SNX7: variants seen among roughly 807,000 people sequenced by gnomAD.
The protein encoded by SNX7 is sorting nexin-7.
A neutral mutation model predicts 48.4 loss-of-function variants in SNX7; 35 were observed. The observed-to-expected ratio is 0.72, with a 90% CI of 0.55 to 0.96. The LOEUF is 0.96. Among genes scored for constraint, SNX7 ranks in the 40% least tolerant of loss-of-function variants. The pLI, the probability that SNX7 is intolerant of heterozygous loss-of-function variation, is 0.00. For synonymous variants in SNX7, 190 were observed against 190.2 expected (o/e 1.00, Z 0.01); for missense variants, 553 against 548.9 (o/e 1.01, Z -0.07).
Position 98,663,268 on chromosome 1 carries a change from T to G in SNX7, c.180+1357T>G, listed in dbSNP as rs1267685683. On this transcript the variant is annotated intron_variant, in intron 1 of 8. Transcript: ENST00000306121. ...TTTCTTTCTGGTTTTTTTTTTTTTTTTTTTTTTTTTTTTTTTTTTTTTTTG... is the reference window on the plus strand; with the variant it reads ...TTTCTTTCTGGTTTTTTTTTTTTTTGTTTTTTTTTTTTTTTTTTTTTTTTG... Among the ~76,000 whole-genome samples, 47 of 56,086 alleles carry G rather than the reference T, an allele frequency of 8.4e-4. 3 individuals carry two copies. The East Asian group carries it at 0.014, about 16-fold the overall frequency. The allele number at this position is 56,086 out of a possible 152,430, so 36.8% of individuals were successfully genotyped here. A position where few individuals can be genotyped will look rare whatever the true frequency, so the allele number is the denominator to read the frequency against.
At chr1:98,722,628 T>C (rs1454208003) in intron 7 of SNX7, among the ~76,000 whole-genome samples, 1 of 152,132 alleles carries the variant, frequency 6.6e-6, no homozygotes, top group Non-Finnish European at 1.5e-5. Context: ...AATAAATGGA[T>C]TGAATGGTTG....
intron 1 of SNX7, among the ~76,000 whole-genome samples, chr1:98,666,863 T>A (rs974748821): frequency 6.6e-6 from 1 of 152,174 alleles, no homozygotes; most frequent in Non-Finnish European, 1.5e-5. Context: ...ACCTAAAACC[T>A]CCATGTTAGG....
At chr1:98,754,603 G>C (rs1453402292) in intron 8 of SNX7, among the ~76,000 whole-genome samples, 2 of 151,954 alleles carry the variant, frequency 1.3e-5, no homozygotes, top group African/African-American at 4.8e-5. Flanking sequence ...AAATGTATAG[G>C]CATAAAGATC....
intron 1 of SNX7, among the ~76,000 whole-genome samples, chr1:98,673,286 T>C (rs1321241899): frequency 6.6e-6 from 1 of 152,238 alleles, no homozygotes; most frequent in East Asian, 1.9e-4. Context: ...TCTTCCTGCC[T>C]TGGGCCTCAT....
intron 8 of SNX7, among the ~76,000 whole-genome samples, chr1:98,739,279 G>C (rs1331263983): frequency 6.6e-6 from 1 of 152,202 alleles, no homozygotes; most frequent in African/African-American, 2.4e-5. Context: ...ACCTCCTGCT[G>C]TGCGGCTGGG....
chr1:98,691,944 C>CTCTCTCTG (rs1651163749), intron 4 of SNX7, among the ~76,000 whole-genome samples: 1 of 137,208 alleles, frequency 7.3e-6, no homozygotes, highest in Non-Finnish European at 1.6e-5. Context: ...CACACTCTCT[C>CTCTCTCTG]TCTCTCTCTC....
rs1224655435 is a variant in SNX7, at chr1:98,663,252, GGTTTTT to G, written c.180+1342_180+1347del. Among the ~76,000 whole-genome samples, 294 of 83,136 alleles carry G rather than the reference GGTTTTT, an allele frequency of 3.5e-3. 23 individuals carry two copies. Among genetic ancestry groups the G allele is most frequent in the Middle Eastern group, 0.023 (4 of 174 alleles). 54.5% of individuals were successfully genotyped at this position (83,136 alleles called of 152,430 possible). On this transcript the variant is annotated intron_variant, in intron 1 of 8. Coordinates refer to ENST00000306121, the MANE Select transcript of SNX7 (RefSeq NM_015976.5). ...ATCAGAATCATCAGGGTTTCTTTCTGGTTTTTTTTTTTTTTTTTTTTTTTTTTTTTT... is the reference window on the plus strand; with the variant it reads ...ATCAGAATCATCAGGGTTTCTTTCTGTTTTTTTTTTTTTTTTTTTTTTTTT...
chr1:98,717,466 A>G (rs926169092), intron 7 of SNX7, among the ~76,000 whole-genome samples: 1 of 152,184 alleles, frequency 6.6e-6, no homozygotes, highest in African/African-American at 2.4e-5. Flanking sequence ...CTGTATTCCA[A>G]GACGATACTT....
At chr1:98,736,003 A>T (rs899760340) in intron 7 of SNX7, among the ~76,000 whole-genome samples, 3 of 152,190 alleles carry the variant, frequency 2.0e-5, no homozygotes, top group African/African-American at 7.2e-5. Context: ...TGGTTAGAGC[A>T]GAGCCACCAA....
chr1:98,668,180 T>C (rs1649644960), intron 1 of SNX7, among the ~76,000 whole-genome samples: 1 of 152,166 alleles, frequency 6.6e-6, no homozygotes, highest in African/African-American at 2.4e-5. Flanking sequence ...CAGAATAAGT[T>C]TGGGGAGACC....
rs778362691 is a variant in SNX7 at position 98,691,106 on chromosome 1, T to C, written c.395T>C (p.Phe132Ser). 1.5e-5 allele frequency: 24 copies of C among 1,607,606 alleles called. No individual in the cohort carries two copies. Among genetic ancestry groups the C allele is most frequent in the South Asian group, 4.4e-5 (4 of 90,382 alleles). ...CGTGGGGAATTTGACTCCAGTGAAT[T>C]TGAAGTTAGGAGACGATATCAAGAT... is the stretch of plus-strand genomic sequence containing the variant. ...TSRGEFDSSE[F>S]EVRRRYQDFL... The change falls in exon 3 of 9, where the codon TTT (phenylalanine) becomes TCT (serine). Residue 132 changes from phenylalanine to serine, a missense_variant. Physicochemically the swap from Phe to Ser is radical, Grantham distance 155. Coordinates refer to ENST00000306121, the MANE Select transcript of SNX7 (RefSeq NM_015976.5).
chr1:98,746,695 C>A (rs1654324242), intron 8 of SNX7, among the ~76,000 whole-genome samples: 1 of 152,206 alleles, frequency 6.6e-6, no homozygotes, highest in South Asian at 2.1e-4. Flanking sequence ...AAACACTGCT[C>A]TGTTATAGCC....
chr1:98,683,359 T>C (rs987617562), intron 1 of SNX7, among the ~76,000 whole-genome samples: 3 of 152,144 alleles, frequency 2.0e-5, no homozygotes, highest in Non-Finnish European at 4.4e-5. Flanking sequence ...CTGTCAGTTT[T>C]TCTCCAAGAT....
In SNX7 at chr1:98,760,169, C is replaced by T; in HGVS notation, c.*38C>T. ...CTTCTGTTTGATCTTTGGGAGACAG[C>T]ATTTATTAACCAAAGTTATTCTTTC... On this transcript the variant is annotated 3_prime_UTR_variant, in exon 9 of 9. Coordinates refer to ENST00000306121, the MANE Select transcript of SNX7 (RefSeq NM_015976.5). The T allele has an allele frequency of 7.0e-7, 1 of 1,424,632 alleles. No individual in the cohort carries two copies. The highest frequency in any genetic ancestry group is 9.9e-7 in the Non-Finnish European group (1 of 1,008,572). 88.2% of individuals were successfully genotyped at this position (1,424,632 alleles called of 1,614,324 possible).
rs577100405 is a variant in SNX7, at chr1:98,732,025, A to G, written c.1126-6212A>G. 1.4e-3 allele frequency among the ~76,000 whole-genome samples: 218 copies of G among 152,258 alleles called. 1 individual carries two copies. Among genetic ancestry groups the G allele is most frequent in the Non-Finnish European group, 2.5e-3 (173 of 68,014 alleles). ...TGATGGTTCCATTTAGGATTATTCA[A>G]CTTTAAGATGGGGTTACCGTTTCTA... On this transcript the variant is annotated intron_variant, in intron 7 of 8. Transcript: ENST00000306121.
chr1:98,752,792 T>C (rs1654651411), intron 8 of SNX7, among the ~76,000 whole-genome samples: 1 of 152,038 alleles, frequency 6.6e-6, no homozygotes, highest in Non-Finnish European at 1.5e-5. Context: ...ATTTCCAAGA[T>C]ATATAAAGGG....
intron 8 of SNX7, 102 bp from the exon 9 acceptor site, chr1:98,759,952 A>G: frequency 4.1e-6 from 3 of 732,522 alleles, no homozygotes; most frequent in Non-Finnish European, 7.3e-6. Flanking sequence ...AGAGAAGAAT[A>G]GAGCAGATTG....
chr1:98,681,702 A>T (rs1650498760), intron 1 of SNX7, among the ~76,000 whole-genome samples: 1 of 152,230 alleles, frequency 6.6e-6, no homozygotes, highest in Non-Finnish European at 1.5e-5. Flanking sequence ...TAAATGTAAC[A>T]GATGAACCTG....
At chr1:98,731,507 C>T (rs1208887151) in intron 7 of SNX7, among the ~76,000 whole-genome samples, 1 of 152,018 alleles carries the variant, frequency 6.6e-6, no homozygotes, top group Non-Finnish European at 1.5e-5. Context: ...TCAAACTTTC[C>T]ATAACTCAAT....
Sources: allele counts gnomAD v4.1 joint callset (sites outside exome capture counted in the v4.1 genomes callset), GRCh38; gene constraint gnomAD v4.1.1; transcripts MANE v1.5; gene names NCBI Gene and HGNC (gene_info 2026-07-23, HGNC 2026-07-21).